The following GASK1A variants were observed in gnomAD, a reference collection of about 807,000 sequenced individuals.
GASK1A encodes the protein golgi associated kinase 1A.
In GASK1A, 40 loss-of-function variants were observed where a neutral mutation model predicts 41.2. That is an observed-to-expected ratio of 0.97 (90% CI 0.75 to 1.27). The LOEUF is 1.27. Ranked by LOEUF, GASK1A falls within the 50% of genes most tolerant of loss-of-function variation. The pLI is 0.00. For missense variants in GASK1A, 678 were observed against 745.1 expected (o/e 0.91, Z 1.05); for synonymous variants, 316 against 307.1 (o/e 1.03, Z -0.30).
Position 43,055,462 on chromosome 3 carries a change from T to A in GASK1A, c.1444T>A (p.Tyr482Asn). ...GAGCAGCGATCCATCTCACCTGGTC[T>A]ACATCGATAACGCTGGCAACCTTCA... ...VRSSDPSHLV[Y>N]IDNAGNLQHP... Residue 482 changes from tyrosine (Y) to asparagine (N), a missense_variant, in exon 4 of 5, where the codon TAC (tyrosine) becomes AAC (asparagine). Transcript: ENST00000430121. 6.4e-7 allele frequency: 1 copy of A among 1,551,820 alleles called. No individual in the cohort carries two copies. Among genetic ancestry groups the A allele is most frequent in the Non-Finnish European group, 8.7e-7 (1 of 1,147,008 alleles).
At chr3:43,038,063 C>T (rs371555181) in intron 2 of GASK1A, among the ~76,000 whole-genome samples, 7 of 152,142 alleles carry the variant, frequency 4.6e-5, no homozygotes, top group South Asian at 2.1e-4. Context: ...ATACATCATA[C>T]GTACTTTACG....
chr3:43,037,458 T>C, intron 2 of GASK1A: 1 of 721,668 alleles, frequency 1.4e-6, no homozygotes, highest in East Asian at 2.5e-5. Flanking sequence ...GTAAACTTAC[T>C]TTTTATAGAG....
chr3:43,052,051 A>G (rs1037796318), intron 2 of GASK1A, among the ~76,000 whole-genome samples: 4 of 152,146 alleles, frequency 2.6e-5, no homozygotes, highest in African/African-American at 9.7e-5. Flanking sequence ...TGACTGGTAG[A>G]TCCCAGAGAT....
chr3:42,988,674 C>G (rs541965827), intron 1 of GASK1A, among the ~76,000 whole-genome samples: 1 of 152,126 alleles, frequency 6.6e-6, no homozygotes, highest in African/African-American at 2.4e-5. Context: ...GCGGGGCTCC[C>G]GGGCTGCATG....
At chr3:43,013,664 G>C (rs2125680414) in intron 1 of GASK1A, among the ~76,000 whole-genome samples, 1 of 151,484 alleles carries the variant, frequency 6.6e-6, no homozygotes, top group South Asian at 2.1e-4. Flanking sequence ...ATGTGCAGTG[G>C]GAAGTTACAG....
chr3:43,001,169 A>G (rs886936747), intron 1 of GASK1A, among the ~76,000 whole-genome samples: 3 of 152,194 alleles, frequency 2.0e-5, no homozygotes, highest in East Asian at 3.9e-4. Flanking sequence ...TCACCTTGGC[A>G]GAACCCTGAG....
Position 42,979,614 on chromosome 3 carries a change from G to A in GASK1A, c.-29G>A, listed in dbSNP as rs375698128. The A allele has an allele frequency of 1.0e-3, 1,269 of 1,242,566 alleles. 7 individuals are homozygous for A. In the African/African-American group the frequency reaches 0.016, roughly 15 times the overall value. The allele number at this position is 1,242,566 out of a possible 1,614,324, so 77.0% of individuals were successfully genotyped here. On this transcript the variant is annotated 5_prime_UTR_variant, in exon 1 of 5. Coordinates refer to ENST00000430121, the MANE Select transcript of GASK1A (RefSeq NM_001129908.3). The stretch of plus-strand genomic sequence containing the variant: ...AGTCTGCGAGCCGGCTGAGCGCGCC[G>A]AGGAGCCGGCCGGGGCACCGCCGGG...
intron 2 of GASK1A, among the ~76,000 whole-genome samples, chr3:43,050,719 T>G (rs931958417): frequency 6.6e-6 from 1 of 152,178 alleles, no homozygotes; most frequent in Non-Finnish European, 1.5e-5. Context: ...TTTCTTCTTA[T>G]TCCTCATACT....
Position 43,015,126 on chromosome 3 carries a change from G to A in GASK1A, c.4-17141G>A, listed in dbSNP as rs2089483397. On this transcript the variant is annotated intron_variant, in intron 1 of 4. Transcript: ENST00000430121. Reference sequence around the variant, plus strand: ...GGGGCTCTGTGACATCACAGGTAGGGGCAGTGTGAAGTCACAGGAAGGGGC... The same window carrying A: ...GGGGCTCTGTGACATCACAGGTAGGAGCAGTGTGAAGTCACAGGAAGGGGC... Among the ~76,000 whole-genome samples the A allele has an allele frequency of 2.0e-5, 3 of 151,994 alleles. No homozygotes were observed. The South Asian group carries it at 6.2e-4, about 32-fold the overall frequency.
At chr3:43,047,647 C>T (rs1008421068) in intron 2 of GASK1A, among the ~76,000 whole-genome samples, 1 of 152,106 alleles carries the variant, frequency 6.6e-6, no homozygotes, top group African/African-American at 2.4e-5. Context: ...TCTCTCTCCC[C>T]TTCTCTCATA....
chr3:43,008,321 C>T (rs1046062976), intron 1 of GASK1A, among the ~76,000 whole-genome samples: 2 of 152,154 alleles, frequency 1.3e-5, no homozygotes, highest in African/African-American at 4.8e-5. Flanking sequence ...TGGAGTCTCT[C>T]GAGGGAGGAC....
intron 2 of GASK1A, among the ~76,000 whole-genome samples, chr3:43,045,837 A>T (rs1261182515): frequency 1.3e-5 from 2 of 152,060 alleles, no homozygotes; most frequent in Non-Finnish European, 2.9e-5. Context: ...ATGAGATCTG[A>T]TGGTTTTATA....
intron 1 of GASK1A, among the ~76,000 whole-genome samples, chr3:43,010,157 A>G (rs1236554776): frequency 6.6e-6 from 1 of 152,104 alleles, no homozygotes; most frequent in Non-Finnish European, 1.5e-5. Flanking sequence ...CTTTCCCAGT[A>G]TCCTTCACTC....
Position 42,979,391 on chromosome 3 carries a change from C to G in GASK1A, c.-252C>G. On this transcript the variant is annotated 5_prime_UTR_variant, in exon 1 of 5. The change creates a new upstream start codon in the 5' untranslated region. Coordinates refer to ENST00000430121, the MANE Select transcript of GASK1A (RefSeq NM_001129908.3). ...TAGGCTCCCTCAGATCCCCGTAGAT[C>G]TCAGTAGATCCGGCGTGTATTCCCC... The G allele has an allele frequency of 2.5e-6, 1 of 396,304 alleles. No individual in the cohort carries two copies. The highest frequency in any genetic ancestry group is 4.4e-6 in the Non-Finnish European group (1 of 226,706). 24.5% of individuals were successfully genotyped at this position (396,304 alleles called of 1,614,324 possible).
At chr3:43,042,305 CAA>C (rs61149633) in intron 2 of GASK1A, among the ~76,000 whole-genome samples, 1,556 of 132,080 alleles carry the variant, frequency 0.012, 26 homozygotes, top group African/African-American at 0.042. Context: ...CTTGTCCCTA[CAA>C]AAAAAAAAAA....
chr3:42,992,848 G>T (rs140207460), intron 1 of GASK1A, among the ~76,000 whole-genome samples: 3 of 152,348 alleles, frequency 2.0e-5, no homozygotes, highest in African/African-American at 7.2e-5. Flanking sequence ...GACTCCAGGG[G>T]TGCCTCGTGG....
rs1378835483 is a variant in GASK1A, at chr3:43,032,958, C to G, written c.695C>G (p.Ser232Cys). 42 of 1,550,864 alleles carry G rather than the reference C, an allele frequency of 2.7e-5. No individual in the cohort carries two copies. The highest frequency in any genetic ancestry group is 3.5e-5 in the Non-Finnish European group (40 of 1,146,560). The change falls in exon 2 of 5, where the codon TCT becomes TGT. Residue 232 changes from serine (S) to cysteine (C), a missense_variant. Ser to Cys is a moderately radical substitution (Grantham distance 112). Transcript: ENST00000430121. ...LASGAHQWPG[S>C]VEKLQGSVWC... ...TCAGGAGCTCATCAGTGGCCTGGCT[C>G]TGTTGAGAAGCTGCAAGGGTCAGTA...
intron 1 of GASK1A, among the ~76,000 whole-genome samples, chr3:43,022,915 C>T (rs1393979745): frequency 6.6e-6 from 1 of 152,166 alleles, no homozygotes; most frequent in Admixed American, 6.5e-5. Flanking sequence ...GAGTAAAGCA[C>T]CTCTGTATGG....
rs1237908326 is a variant in GASK1A, at chr3:42,985,586, T to TGTGTGTGG, written c.3+5942_3+5943insTGTGTGGG. 6.1e-3 allele frequency among the ~76,000 whole-genome samples: 886 copies of TGTGTGTGG among 144,326 alleles called. 13 individuals carry two copies. The highest frequency in any genetic ancestry group is 0.045 in the South Asian group (200 of 4,444). 94.7% of individuals were successfully genotyped at this position (144,326 alleles called of 152,430 possible). ...GTGTGTGTGTGTGTGTGTGTGTGTG[T>TGTGTGTGG]GGGCGGAGGCAGGGGAGCAGGTGGT... is the stretch of plus-strand genomic sequence containing the variant. On this transcript the variant is annotated intron_variant, in intron 1 of 4. Transcript: ENST00000430121.
Sources: gnomAD v4.1 joint callset for allele counts (sites outside exome capture counted in the v4.1 genomes callset) on GRCh38, gnomAD v4.1.1 for gene constraint, MANE v1.5 for transcripts, NCBI Gene and HGNC (gene_info 2026-07-23, HGNC 2026-07-21) for gene names.